Variants in TET3 observed in about 807,000 individuals in gnomAD.
TET3 encodes the protein methylcytosine dioxygenase TET3.
Under a neutral mutation model 141.4 loss-of-function variants are expected in TET3, and 19 were observed. That is an observed-to-expected ratio of 0.13 (90% CI 0.09 to 0.20). The LOEUF is 0.20. TET3 is among the 10% of genes least tolerant of loss of function. The pLI, the probability that TET3 is intolerant of heterozygous loss-of-function variation, is 1.00. For synonymous variants in TET3, 1,043 were observed against 980.9 expected (o/e 1.06, Z -1.18); for missense variants, 1,874 against 2,356.9 (o/e 0.80, Z 4.24).
rs146829457 is a variant in TET3 at position 74,018,385 on chromosome 2, A to G, written c.360+15219A>G. The stretch of plus-strand genomic sequence containing the variant: ...GGCCTGTTTGTCTTTCATTGTGTCT[A>G]TCATAAAAATTTGATTTTTATACAA... On this transcript the variant is annotated intron_variant, in intron 3 of 11. Transcript: ENST00000409262. 5.0e-3 allele frequency among the ~76,000 whole-genome samples: 757 copies of G among 152,302 alleles called. 3 individuals carry two copies. The highest frequency in any genetic ancestry group is 0.017 in the African/African-American group (719 of 41,556).
chr2:74,012,402 A>G (rs953315936), intron 3 of TET3, among the ~76,000 whole-genome samples: 1 of 152,232 alleles, frequency 6.6e-6, no homozygotes, highest in African/African-American at 2.4e-5. Context: ...AATAACTAGC[A>G]GTCATTTATT....
In TET3 at chr2:74,047,200, C is replaced by T; in HGVS notation, c.1283C>T (p.Thr428Ile). Residue 428 changes from threonine (T) to isoleucine (I), a missense_variant, in exon 4 of 12, where the codon ACT (threonine) becomes ATT (isoleucine). Around this residue, in one of 10 missense-constraint regions of TET3, gnomAD observed 484 missense variants for 462.2 expected, o/e 1.05. Coordinates refer to ENST00000409262, the MANE Select transcript of TET3 (RefSeq NM_001287491.2). Reference sequence around the variant, plus strand: ...GATAGCTCTGCCTTCCCTCCAGCAACTCCTAGAACTGAGTTCCCTGAAGCC... The same window carrying T: ...GATAGCTCTGCCTTCCCTCCAGCAATTCCTAGAACTGAGTTCCCTGAAGCC... ...APDSSAFPPATPRTEFPEAWG... is the reference protein window; with the variant it reads ...APDSSAFPPAIPRTEFPEAWG... 1 of 1,614,052 alleles carries T rather than the reference C, an allele frequency of 6.2e-7. No individual in the cohort carries two copies. Among genetic ancestry groups the T allele is most frequent in the Non-Finnish European group, 8.5e-7 (1 of 1,179,902 alleles).
chr2:74,115,399 C>A, the TET3 span, among the ~76,000 whole-genome samples: 20 of 152,174 alleles, frequency 1.3e-4, no homozygotes, highest in African/African-American at 4.8e-4. Context: ...AGAGGTATAA[C>A]GGACATTAGA....
In TET3 at chr2:74,105,104, C is replaced by T. The variant is rs1691425193; in HGVS notation, c.*2928C>T. 2.5e-6 allele frequency: 1 copy of T among 398,408 alleles called. No individual in the cohort carries two copies. The allele number at this position is 398,408 out of a possible 1,614,324, so 24.7% of individuals were successfully genotyped here. On this transcript the variant is annotated 3_prime_UTR_variant, in exon 12 of 12. Transcript: ENST00000409262. ...ATCAAATTTTTATTTTTTACTGGCA[C>T]TATCATTTTTTAAGTCCTAAAGATG...
Position 74,048,123 on chromosome 2 carries a change from G to A in TET3, c.2206G>A (p.Glu736Lys), listed in dbSNP as rs1443325998. The A allele has an allele frequency of 8.1e-6, 13 of 1,613,184 alleles. No individual in the cohort carries two copies. The highest frequency in any genetic ancestry group is 4.5e-5 in the East Asian group (2 of 44,882). Residue 736 changes from glutamate (E) to lysine (K), a missense_variant, in exon 4 of 12, where the codon GAG (glutamate) becomes AAG (lysine). Physicochemically the swap from Glu to Lys is moderately conservative, Grantham distance 56. Around this residue, in one of 10 missense-constraint regions of TET3, gnomAD observed 484 missense variants for 462.2 expected, o/e 1.05. Coordinates refer to ENST00000409262, the MANE Select transcript of TET3 (RefSeq NM_001287491.2). ...CCCTTCTGTGCCCATTCAGGACCCCGAGAACCAGCAAACATGTCTCCCAGC... is the reference window on the plus strand; with the variant it reads ...CCCTTCTGTGCCCATTCAGGACCCCAAGAACCAGCAAACATGTCTCCCAGC... The part of the protein sequence containing the change: ...GPPSVPIQDP[E>K]NQQTCLPAPE...
intron 6 of TET3, among the ~76,000 whole-genome samples, chr2:74,084,496 A>G (rs1690004883): frequency 6.8e-6 from 1 of 147,278 alleles, no homozygotes; most frequent in African/African-American, 2.5e-5. Context: ...TCTGTCGCCC[A>G]GGCTAGAGTG....
chr2:74,003,435 T>A (rs1684973292), intron 3 of TET3, among the ~76,000 whole-genome samples: 1 of 150,478 alleles, frequency 6.6e-6, no homozygotes, highest in Admixed American at 6.6e-5. Flanking sequence ...TTTTTTTTTT[T>A]TTTTTCTTTT....
chr2:74,071,873 A>G (rs188404888), intron 4 of TET3, among the ~76,000 whole-genome samples: 13 of 152,336 alleles, frequency 8.5e-5, no homozygotes, highest in Non-Finnish European at 1.5e-4. Context: ...TTCACTTAGA[A>G]AAACTCATTT....
At chr2:74,018,336 C>A (rs573682867) in intron 3 of TET3, among the ~76,000 whole-genome samples, 79 of 152,212 alleles carry the variant, frequency 5.2e-4, no homozygotes, top group African/African-American at 1.7e-3. Flanking sequence ...ATACTAACTT[C>A]TGTTACGTTT....
intron 3 of TET3, among the ~76,000 whole-genome samples, chr2:74,028,906 G>A (rs1245686145): frequency 6.6e-6 from 1 of 152,210 alleles, no homozygotes; most frequent in African/African-American, 2.4e-5. Flanking sequence ...GGAGATAGCA[G>A]AATAGTGCTA....
intron 3 of TET3, 48 bp downstream of exon 3, chr2:74,003,214 T>C: frequency 6.5e-7 from 1 of 1,547,002 alleles, no homozygotes; most frequent in South Asian, 1.2e-5. Flanking sequence ...GTGGTGGCGG[T>C]GAAGTGTTTG....
In TET3 at chr2:74,100,688, C is replaced by T; in HGVS notation, c.3900C>T (p.Phe1300=). The T allele has an allele frequency of 1.9e-6, 3 of 1,614,066 alleles. No individual in the cohort carries two copies. The highest frequency in any genetic ancestry group is 2.5e-6 in the Non-Finnish European group (3 of 1,179,906). The change falls in exon 12 of 12, where the codon TTC becomes TTT. Residue 1300 remains phenylalanine (F), a synonymous_variant. Coordinates refer to ENST00000409262, the MANE Select transcript of TET3 (RefSeq NM_001287491.2). The part of the protein sequence containing the change: ...PSSNPVFPSQ[F]LGPGAWGHSG... Reference sequence around the variant, plus strand: ...GCAACCCCGTCTTCCCCTCTCAGTTCCTGGGTCCTGGTGCCTGGGGGCACA... The same window carrying T: ...GCAACCCCGTCTTCCCCTCTCAGTTTCTGGGTCCTGGTGCCTGGGGGCACA...
Position 74,087,920 on chromosome 2 carries a change from C to G in TET3, c.2770C>G (p.Leu924Val). 1.3e-6 allele frequency: 2 copies of G among 1,552,322 alleles called. No individual in the cohort carries two copies. The highest frequency in any genetic ancestry group is 2.0e-5 in the Admixed American group (1 of 51,062). ...CTGCCAGAACGCTGTGATCGTCATC[C>G]TCATCCTGGCCTGGGAGGGCATTCC... ...HHCQNAVIVI[L>V]ILAWEGIPRS... is the part of the protein sequence containing the mutation. Residue 924 changes from leucine to valine, a missense_variant, in exon 7 of 12, where the codon CTC becomes GTC. This residue lies in a region of TET3 where 126 missense variants were observed against 327.4 expected (regional missense o/e 0.38). Transcript: ENST00000409262. This position sits in a 1 kb window ranked among gnomAD's most constrained non-coding sequence, Gnocchi z 4.3.
the TET3 span, among the ~76,000 whole-genome samples, chr2:74,125,949 A>G: frequency 6.6e-6 from 1 of 152,194 alleles, no homozygotes; most frequent in Non-Finnish European, 1.5e-5. Flanking sequence ...TCTTTGAGGC[A>G]AGGGTCTTGC....
chr2:74,060,208 T>C (rs569069608), intron 4 of TET3, among the ~76,000 whole-genome samples: 1 of 152,352 alleles, frequency 6.6e-6, no homozygotes, highest in East Asian at 1.9e-4. Context: ...TATCTCACTG[T>C]GGGTTTAATT....
intron 6 of TET3, among the ~76,000 whole-genome samples, chr2:74,082,683 T>C (rs2104010496): frequency 6.6e-6 from 1 of 152,238 alleles, no homozygotes; most frequent in South Asian, 2.1e-4. Context: ...TGTGGTGGAT[T>C]TCTGGGGTTT....
chr2:74,067,287 A>G (rs1036282552), intron 4 of TET3, among the ~76,000 whole-genome samples: 4 of 152,238 alleles, frequency 2.6e-5, no homozygotes, highest in African/African-American at 9.6e-5. Flanking sequence ...CTGATCTTCA[A>G]CAATTCTATT....
At chr2:74,118,924 C>T in the TET3 span, among the ~76,000 whole-genome samples, 1 of 152,154 alleles carries the variant, frequency 6.6e-6, no homozygotes, top group Non-Finnish European at 1.5e-5. Flanking sequence ...AATAATGTCT[C>T]TTATAATTGT....
the TET3 span, chr2:74,135,300 A>G: frequency 1.2e-5 from 6 of 515,366 alleles, no homozygotes; most frequent in East Asian, 3.1e-5. Context: ...CCTCTTCAAA[A>G]GACAAAAAGC....
Sources: gnomAD v4.1 joint callset for allele counts (sites outside exome capture counted in the v4.1 genomes callset) on GRCh38, gnomAD v4.1.1 for gene constraint, gnomAD v4.1.1 regional missense constraint, Gnocchi (gnomAD v3.1) non-coding constraint, MANE v1.5 for transcripts, NCBI Gene and HGNC (gene_info 2026-07-23, HGNC 2026-07-21) for gene names.